QTMAN: variants seen among roughly 807,000 people sequenced by gnomAD.
QTMAN encodes tRNA-queuosine alpha-mannosyltransferase.
At chr2:143,978,843 A>C in the QTMAN span, among the ~76,000 whole-genome samples, 3 of 152,214 alleles carry the variant, frequency 2.0e-5, no homozygotes, top group African/African-American at 7.2e-5. Flanking sequence ...CTGACTAATC[A>C]TTTGGATTTA....
chr2:144,133,921 A>G, the QTMAN span, among the ~76,000 whole-genome samples: 10 of 152,076 alleles, frequency 6.6e-5, no homozygotes, highest in Non-Finnish European at 1.5e-4. Context: ...GACAGTGCCC[A>G]TTTCATTATT....
chr2:144,182,798 T>TATAA, the QTMAN span, among the ~76,000 whole-genome samples: 1 of 26,126 alleles, frequency 3.8e-5, no homozygotes, highest in Admixed American at 5.7e-4. Flanking sequence ...TATATATATA[T>TATAA]TATATATATA....
chr2:144,179,610 TA>T, the QTMAN span, among the ~76,000 whole-genome samples: 1 of 152,140 alleles, frequency 6.6e-6, no homozygotes, highest in Non-Finnish European at 1.5e-5. Flanking sequence ...AACGTCTTCA[TA>T]AGTTGGGACT....
At chr2:144,319,070 C>T in the QTMAN span, among the ~76,000 whole-genome samples, 1 of 152,100 alleles carries the variant, frequency 6.6e-6, no homozygotes, top group Non-Finnish European at 1.5e-5. Flanking sequence ...CAGTTCATAC[C>T]TGCTTGCCAA....
At chr2:144,100,136 CATA>C in the QTMAN span, among the ~76,000 whole-genome samples, 1 of 152,222 alleles carries the variant, frequency 6.6e-6, no homozygotes, top group Non-Finnish European at 1.5e-5. Flanking sequence ...CTCATGATCA[CATA>C]ATAACTGGCA....
At chr2:144,130,597 TAAC>T in the QTMAN span, among the ~76,000 whole-genome samples, 1 of 151,896 alleles carries the variant, frequency 6.6e-6, no homozygotes, top group African/African-American at 2.4e-5. Flanking sequence ...TTAAAAATAA[TAAC>T]AACAATCATT....
the QTMAN span, among the ~76,000 whole-genome samples, chr2:144,129,914 C>CA: frequency 6.6e-6 from 1 of 151,792 alleles, no homozygotes; most frequent in Non-Finnish European, 1.5e-5. Context: ...TCGTAGACAA[C>CA]ATTGAGTCAA....
the QTMAN span, among the ~76,000 whole-genome samples, chr2:144,095,928 G>GAAGT: frequency 6.6e-6 from 1 of 152,072 alleles, no homozygotes; most frequent in Non-Finnish European, 1.5e-5. Context: ...GAATGTGGTA[G>GAAGT]AAGTACTTGG....
At chr2:144,053,469 T>C in the QTMAN span, among the ~76,000 whole-genome samples, 1 of 152,230 alleles carries the variant, frequency 6.6e-6, no homozygotes, top group Non-Finnish European at 1.5e-5. Context: ...AGTATATTAT[T>C]ATATCCTCAG....
chr2:143,969,263 G>A, the QTMAN span, among the ~76,000 whole-genome samples: 51 of 152,132 alleles, frequency 3.4e-4, no homozygotes, highest in African/African-American at 1.1e-3. Context: ...ATTAACACTC[G>A]AAACCACCTG....
At chr2:143,953,008 A>C in the QTMAN span, among the ~76,000 whole-genome samples, 3 of 151,852 alleles carry the variant, frequency 2.0e-5, no homozygotes, top group Non-Finnish European at 4.4e-5. Context: ...CTCTTTTAAA[A>C]GATTTTATTG....
chr2:144,017,762 T>A, the QTMAN span, among the ~76,000 whole-genome samples: 89 of 152,324 alleles, frequency 5.8e-4, 1 homozygote, highest in Admixed American at 1.6e-3. Context: ...AAGGTCATCA[T>A]GGCATTTAAT....
At chr2:144,108,357 C>T in the QTMAN span, among the ~76,000 whole-genome samples, 9 of 152,080 alleles carry the variant, frequency 5.9e-5, no homozygotes, top group African/African-American at 9.7e-5. Context: ...TAGAAAACCC[C>T]GGCCAGGCAC....
the QTMAN span, among the ~76,000 whole-genome samples, chr2:144,207,716 T>C: frequency 2.0e-5 from 3 of 152,172 alleles, no homozygotes; most frequent in Non-Finnish European, 4.4e-5. Flanking sequence ...CAGGAATACA[T>C]ACAAATGGAG....
At chr2:144,047,130 G>A in the QTMAN span, among the ~76,000 whole-genome samples, 1 of 152,148 alleles carries the variant, frequency 6.6e-6, no homozygotes, top group South Asian at 2.1e-4. Context: ...AATTAGCCAG[G>A]CACGGTGGTG....
chr2:144,027,381 C>CT, the QTMAN span, among the ~76,000 whole-genome samples: 1 of 152,180 alleles, frequency 6.6e-6, no homozygotes, highest in Non-Finnish European at 1.5e-5. Context: ...ACTCAGGTTC[C>CT]TTTACTGGCC....
chr2:144,044,690 C>A, the QTMAN span, among the ~76,000 whole-genome samples: 1 of 152,054 alleles, frequency 6.6e-6, no homozygotes, highest in Non-Finnish European at 1.5e-5. Flanking sequence ...AGAAAACATA[C>A]CATATGCAGT....
At chr2:144,073,624 C>A in the QTMAN span, among the ~76,000 whole-genome samples, 1 of 152,280 alleles carries the variant, frequency 6.6e-6, no homozygotes, top group Admixed American at 6.5e-5. Context: ...CCTGCTCCAA[C>A]AAAATCAGCT....
chr2:144,045,570 T>C, the QTMAN span, among the ~76,000 whole-genome samples: 1 of 152,228 alleles, frequency 6.6e-6, no homozygotes, highest in East Asian at 1.9e-4. Context: ...TGGAGAGTCA[T>C]GAATGTATCC....
Sources: gnomAD v4.1 joint callset for allele counts (sites outside exome capture counted in the v4.1 genomes callset) on GRCh38, gnomAD v4.1.1 for gene constraint, MANE v1.5 for transcripts, NCBI Gene and HGNC (gene_info 2026-07-23, HGNC 2026-07-21) for gene names.